Variants in SEM1 observed in about 807,000 individuals in gnomAD.
SEM1 encodes 26S proteasome complex subunit SEM1.
SEM1 carries 3 observed loss-of-function variants against 12.7 expected under a neutral mutation model. The ratio of observed to expected loss-of-function variants is 0.24; its 90% CI spans 0.11 to 0.61. SEM1 has a LOEUF of 0.61. SEM1 is among the 20% of genes least tolerant of loss of function. The pLI is 0.88. For synonymous variants in SEM1, 30 were observed against 27.8 expected, an observed-to-expected ratio of 1.08 and a Z score of -0.25; for missense variants, 59 against 81.3, an observed-to-expected ratio of 0.73 and a Z score of 1.06.
In SEM1 at chr7:96,580,545, A is replaced by G. The variant is rs577523068; in HGVS notation, c.171-73847T>C. On this transcript the variant is annotated intron_variant and NMD_transcript_variant, in intron 2 of 3. Transcript: ENST00000466986. Reference sequence around the variant, plus strand: ...TTCTAGATCCCTGAGGAAATGCCACACTGACTTCCACAATGGTTGAACTAG... The same window carrying G: ...TTCTAGATCCCTGAGGAAATGCCACGCTGACTTCCACAATGGTTGAACTAG... Among the ~76,000 whole-genome samples the G allele has an allele frequency of 2.0e-3, 306 of 152,180 alleles. 2 individuals carry two copies. The highest frequency in any genetic ancestry group is 7.3e-3 in the African/African-American group (302 of 41,542).
chr7:96,503,357 C>G (rs74932665), intron 3 of SEM1: 2 of 152,118 alleles, frequency 1.3e-5, no homozygotes, highest in East Asian at 3.9e-4. Flanking sequence ...AAGTAAAAAC[C>G]TGCTTGCTAT....
At chr7:96,679,803 A>T (rs187850604) in intron 2 of SEM1, among the ~76,000 whole-genome samples, 1 of 152,138 alleles carries the variant, frequency 6.6e-6, no homozygotes, top group African/African-American at 2.4e-5. Context: ...GATTCTGCCA[A>T]TCATTCTTCT....
At chr7:96,614,107 T>C (rs950964337) in intron 2 of SEM1, among the ~76,000 whole-genome samples, 7 of 152,204 alleles carry the variant, frequency 4.6e-5, no homozygotes, top group African/African-American at 1.7e-4. Context: ...ATCTACTGTA[T>C]TTTCAAAATT....
At chr7:96,637,932 C>T (rs1330550305) in intron 2 of SEM1, among the ~76,000 whole-genome samples, 2 of 152,024 alleles carry the variant, frequency 1.3e-5, no homozygotes, top group Non-Finnish European at 2.9e-5. Context: ...CCCTCACCTT[C>T]CTTGAGCTTC....
intron 2 of SEM1, among the ~76,000 whole-genome samples, chr7:96,633,854 T>C (rs1326177501): frequency 6.6e-6 from 1 of 152,134 alleles, no homozygotes; most frequent in African/African-American, 2.4e-5. Context: ...GATTGTTATT[T>C]GCAGATGATA....
At chr7:96,613,820 A>T (rs1437664164) in intron 2 of SEM1, among the ~76,000 whole-genome samples, 1 of 152,218 alleles carries the variant, frequency 6.6e-6, no homozygotes, top group African/African-American at 2.4e-5. Flanking sequence ...TGCCTCGCTT[A>T]TTTCACTTAG....
At chr7:96,489,277 C>T (rs982874554) in intron 1 of SEM1, among the ~76,000 whole-genome samples, 24 of 152,268 alleles carry the variant, frequency 1.6e-4, no homozygotes, top group African/African-American at 4.8e-4. Flanking sequence ...CCCCTATCAA[C>T]CAGAACAATG....
chr7:96,551,330 A>G (rs1374301821), intron 2 of SEM1, among the ~76,000 whole-genome samples: 1 of 152,180 alleles, frequency 6.6e-6, no homozygotes, highest in Non-Finnish European at 1.5e-5. Context: ...CTTTGCAGAT[A>G]TAATTAAGGT....
At chr7:96,672,715 T>C (rs769290313), downstream of SEM1, 2 of 152,240 alleles carry the variant, frequency 1.3e-5, no homozygotes, top group Non-Finnish European at 2.9e-5. Context: ...GCATACTATA[T>C]GCATACCTTT....
At chr7:96,663,038 T>C (rs1347151632) in intron 2 of SEM1, among the ~76,000 whole-genome samples, 4 of 151,592 alleles carry the variant, frequency 2.6e-5, no homozygotes, top group African/African-American at 4.8e-5. Flanking sequence ...GATAAAATCA[T>C]GGTATTATGT....
chr7:96,548,085 C>A (rs1805157347), intron 2 of SEM1, among the ~76,000 whole-genome samples: 1 of 152,008 alleles, frequency 6.6e-6, no homozygotes, highest in African/African-American at 2.4e-5. Flanking sequence ...CCAAATGAAG[C>A]CTGAATGCAG....
intron 2 of SEM1, among the ~76,000 whole-genome samples, chr7:96,571,708 G>A (rs1387245494): frequency 6.6e-6 from 1 of 151,874 alleles, no homozygotes; most frequent in Non-Finnish European, 1.5e-5. Context: ...ATATTTTATT[G>A]AGGATTTTCA....
In SEM1 at chr7:96,576,263, TTG is replaced by T. The variant is rs534372283; in HGVS notation, c.171-69567_171-69566del. ...GTTCTGCTGAAAGTTGAATTTTTAT[TTG>T]TGACTTATTCTAAAAGTATTTTCCT... On this transcript the variant is annotated intron_variant and NMD_transcript_variant, in intron 2 of 3. Coordinates refer to the SEM1 transcript ENST00000466986. Among the ~76,000 whole-genome samples, 801 of 152,314 alleles carry T rather than the reference TTG, an allele frequency of 5.3e-3. 10 individuals carry two copies. Among genetic ancestry groups the T allele is most frequent in the African/African-American group, 0.018 (765 of 41,586 alleles).
intron 2 of SEM1, among the ~76,000 whole-genome samples, chr7:96,552,705 C>T (rs1271856010): frequency 1.6e-4 from 24 of 151,598 alleles, no homozygotes; most frequent in Non-Finnish European, 2.8e-4. Flanking sequence ...GGTATATACC[C>T]AGTAATGGGA....
chr7:96,553,241 T>G (rs1331737639), intron 2 of SEM1, among the ~76,000 whole-genome samples: 2 of 150,668 alleles, frequency 1.3e-5, no homozygotes, highest in Admixed American at 1.3e-4. Flanking sequence ...GCCATTGCTT[T>G]TGGTGTTTTA....
Position 96,688,818 on chromosome 7 carries a change from C to G in SEM1, c.*106G>C. 1 of 699,622 alleles carries G rather than the reference C, an allele frequency of 1.4e-6. No homozygotes were observed. Among genetic ancestry groups the G allele is most frequent in the South Asian group, 1.7e-5 (1 of 57,304 alleles). 43.3% of individuals were successfully genotyped at this position (699,622 alleles called of 1,614,324 possible). A position where few individuals can be genotyped will look rare whatever the true frequency, so the allele number is the denominator to read the frequency against. On this transcript the variant is annotated 3_prime_UTR_variant, in exon 3 of 3. Transcript: ENST00000248566. ...TTACAAAAACACAAATAAATCCAAG[C>G]AGATAATGAAATAAACACATTTTTT...
intron 1 of SEM1, among the ~76,000 whole-genome samples, chr7:96,699,171 A>G (rs1003208696): frequency 3.3e-5 from 5 of 152,088 alleles, no homozygotes; most frequent in Admixed American, 2.0e-4. Context: ...TCACAACCCC[A>G]GATTTCTTCT....
At chr7:96,703,648 AT>A (rs66849008) in intron 1 of SEM1, among the ~76,000 whole-genome samples, 51,251 of 147,360 alleles carry the variant, frequency 0.35, 10,052 homozygotes, top group East Asian at 0.67. Flanking sequence ...AGCATATTCC[AT>A]TTTTTTTTTT....
intron 1 of SEM1, among the ~76,000 whole-genome samples, chr7:96,492,758 CATGTGT>C (rs773483212): frequency 0.016 from 1,501 of 94,714 alleles, 26 homozygotes; most frequent in African/African-American, 0.044. Context: ...GAATAATATT[CATGTGT>C]GTGTGTGTGT....
Sources: gnomAD v4.1 joint callset for allele counts (sites outside exome capture counted in the v4.1 genomes callset) on GRCh38, gnomAD v4.1.1 for gene constraint, MANE v1.5 for transcripts, NCBI Gene and HGNC (gene_info 2026-07-23, HGNC 2026-07-21) for gene names.